Variants in SBF2 observed in about 807,000 individuals in gnomAD.
SBF2 encodes SET binding factor 2.
Under a neutral mutation model 225.2 loss-of-function variants are expected in SBF2, and 112 were observed. The observed-to-expected ratio is 0.50, with a 90% confidence interval of 0.43 to 0.58. The LOEUF (loss-of-function observed/expected upper bound fraction) is 0.58. Among genes scored for constraint, SBF2 ranks in the 20% least tolerant of loss-of-function variants. The pLI, the probability that SBF2 is intolerant of heterozygous loss-of-function variation, is 0.00. For synonymous variants in SBF2, 763 were observed against 773.3 expected (o/e 0.99, Z 0.22); for missense variants, 1,996 against 2,206.2 (o/e 0.90, Z 1.91).
chr11:10,081,591 T>C (rs1440958250), intron 2 of SBF2, among the ~76,000 whole-genome samples: 6 of 151,848 alleles, frequency 4.0e-5, no homozygotes, highest in Admixed American at 3.9e-4. Flanking sequence ...AAACCCCATC[T>C]CTACTAAAAT....
chr11:10,031,794 G>A (rs931513953), intron 3 of SBF2, among the ~76,000 whole-genome samples: 1 of 152,156 alleles, frequency 6.6e-6, no homozygotes, highest in Non-Finnish European at 1.5e-5. Flanking sequence ...CCAGGCTGGA[G>A]GGCAGTGGCA....
At chr11:10,055,717 G>T (rs959125174) in intron 2 of SBF2, among the ~76,000 whole-genome samples, 1 of 152,136 alleles carries the variant, frequency 6.6e-6, no homozygotes, top group African/African-American at 2.4e-5. Flanking sequence ...TAAGAGCTAA[G>T]CTATGATTAT....
chr11:10,283,278 G>T (rs1963530983), intron 1 of SBF2, among the ~76,000 whole-genome samples: 1 of 152,058 alleles, frequency 6.6e-6, no homozygotes, highest in Non-Finnish European at 1.5e-5. Flanking sequence ...ATCCCAAATG[G>T]TTCTTGACAG....
intron 13 of SBF2, among the ~76,000 whole-genome samples, chr11:9,988,030 C>T (rs1001705646): frequency 1.3e-5 from 2 of 152,048 alleles, no homozygotes; most frequent in Non-Finnish European, 1.5e-5. Flanking sequence ...ACTATAAGGC[C>T]ATAGTCACCA....
At chr11:10,005,637 T>G (rs541448511) in intron 6 of SBF2, among the ~76,000 whole-genome samples, 1 of 152,316 alleles carries the variant, frequency 6.6e-6, no homozygotes, top group South Asian at 2.1e-4. Context: ...TTGAGATTGC[T>G]GCAGACCTCT....
chr11:10,196,964 A>C (rs942239379), intron 1 of SBF2, among the ~76,000 whole-genome samples: 1 of 150,770 alleles, frequency 6.6e-6, no homozygotes, highest in Admixed American at 6.6e-5. Context: ...GTTGTTGAAC[A>C]TACATTTTCT....
chr11:9,998,121 C>T (rs1046785819), intron 9 of SBF2, 145 bp downstream of exon 9: 4 of 622,180 alleles, frequency 6.4e-6, no homozygotes, highest in South Asian at 4.0e-5. Context: ...ATTCTAAATA[C>T]TGTATGAGAT....
chr11:10,005,522 T>C (rs1049415630), intron 6 of SBF2, among the ~76,000 whole-genome samples: 2 of 152,176 alleles, frequency 1.3e-5, no homozygotes, highest in East Asian at 3.8e-4. Context: ...TCATTCCTGC[T>C]CTAATACTTT....
chr11:10,229,471 A>G (rs533155238), intron 1 of SBF2, among the ~76,000 whole-genome samples: 14 of 152,262 alleles, frequency 9.2e-5, no homozygotes, highest in Non-Finnish European at 2.1e-4. Flanking sequence ...CTTTCCCTCT[A>G]CACACTGCTT....
intron 6 of SBF2, among the ~76,000 whole-genome samples, chr11:10,008,714 CTGAGGG>C (rs1948307546): frequency 6.6e-6 from 1 of 152,230 alleles, no homozygotes; most frequent in African/African-American, 2.4e-5. Flanking sequence ...TAGGACTGCC[CTGAGGG>C]CTGGAGGGCT....
chr11:10,149,645 C>T (rs1458066616), intron 2 of SBF2: 1 of 152,184 alleles, frequency 6.6e-6, no homozygotes, highest in East Asian at 1.9e-4. Context: ...CTGCCCAACC[C>T]TTAGGCCAAT....
chr11:10,105,703 G>A (rs2134987651), intron 2 of SBF2, among the ~76,000 whole-genome samples: 2 of 152,306 alleles, frequency 1.3e-5, no homozygotes, highest in Middle Eastern at 6.8e-3. Context: ...TGCAGCCAGG[G>A]AAAGGCACAT....
intron 1 of SBF2, among the ~76,000 whole-genome samples, chr11:10,216,626 G>T (rs10160763): frequency 0.67 from 102,425 of 152,084 alleles, 35,519 homozygotes; most frequent in East Asian, 0.97. Flanking sequence ...TCCCAGCACT[G>T]TGGGAGGCCA....
At chr11:9,990,016 A>G (rs963370440) in intron 12 of SBF2, among the ~76,000 whole-genome samples, 1 of 152,118 alleles carries the variant, frequency 6.6e-6, no homozygotes, top group East Asian at 1.9e-4. Context: ...AGGCACTTAA[A>G]CTCCTAAGCT....
chr11:10,044,908 G>A (rs1323085391), intron 2 of SBF2, among the ~76,000 whole-genome samples: 1 of 152,090 alleles, frequency 6.6e-6, no homozygotes, highest in Non-Finnish European at 1.5e-5. Context: ...AACGCTTTTT[G>A]CCTGAGTGCT....
chr11:10,014,505 TAAAAAAAAAAA>T (rs1181315538), intron 6 of SBF2, among the ~76,000 whole-genome samples: 2 of 70,806 alleles, frequency 2.8e-5, no homozygotes, highest in Admixed American at 1.7e-4. Flanking sequence ...CCATTTCAAC[TAAAAAAAAAAA>T]AAAAAAAAAA....
intron 15 of SBF2, among the ~76,000 whole-genome samples, chr11:9,963,427 T>C (rs12270596): frequency 0.013 from 2,000 of 152,232 alleles, 45 homozygotes; most frequent in African/African-American, 0.045. Flanking sequence ...ATCATGTCAC[T>C]GTACTCCAGC....
chr11:10,162,478 G>A (rs1463070860), intron 2 of SBF2, among the ~76,000 whole-genome samples: 1 of 152,150 alleles, frequency 6.6e-6, no homozygotes, highest in Non-Finnish European at 1.5e-5. Context: ...CTTCATTGCA[G>A]GCCAGAGCAG....
intron 2 of SBF2, among the ~76,000 whole-genome samples, chr11:10,166,020 A>G (rs1955935424): frequency 6.6e-6 from 1 of 152,212 alleles, no homozygotes; most frequent in Non-Finnish European, 1.5e-5. Flanking sequence ...GAGGAAGTTC[A>G]CAATCACTTT....
Sources: gnomAD v4.1 joint callset for allele counts (sites outside exome capture counted in the v4.1 genomes callset) on GRCh38, gnomAD v4.1.1 for gene constraint, MANE v1.5 for transcripts, NCBI Gene and HGNC (gene_info 2026-07-23, HGNC 2026-07-21) for gene names.